The following RAB23 variants were observed in gnomAD, a reference collection of about 807,000 sequenced individuals.
The protein encoded by RAB23 is RAB23, member RAS oncogene family.
A neutral mutation model predicts 30.0 loss-of-function variants in RAB23; 15 were observed. The observed-to-expected ratio is 0.50, with a 90% CI of 0.33 to 0.77. The LOEUF (loss-of-function observed/expected upper bound fraction) is 0.77, where lower values mean the gene tolerates loss of function less well. RAB23 is among the 30% of genes least tolerant of loss of function. The pLI, the probability that RAB23 is intolerant of heterozygous loss-of-function variation, is 0.02. For synonymous variants in RAB23, 93 were observed against 94.0 expected (o/e 0.99, Z 0.06); for missense variants, 243 against 275.4 (o/e 0.88, Z 0.83).
intron 4 of RAB23, 124 bp downstream of exon 4, chr6:57,196,326 G>C: frequency 1.8e-6 from 2 of 1,124,410 alleles, no homozygotes; most frequent in Non-Finnish European, 2.6e-6. Flanking sequence ...AAATATTTAA[G>C]TCATTAAAGC....
intron 3 of RAB23, among the ~76,000 whole-genome samples, chr6:57,203,000 GTTTTTTT>G (rs1170559704): frequency 2.4e-5 from 2 of 82,604 alleles, no homozygotes; most frequent in East Asian, 6.6e-4. Context: ...AAGATAGGCT[GTTTTTTT>G]TTTTTTTTTT....
intron 1 of RAB23, among the ~76,000 whole-genome samples, chr6:57,216,208 A>G (rs1765829728): frequency 1.3e-5 from 2 of 152,204 alleles, no homozygotes; most frequent in African/African-American, 4.8e-5. Context: ...GTAGTAGGCT[A>G]TACCATCTAG....
rs1432058604 is a variant in RAB23 at position 57,190,577 on chromosome 6, TTCC to T, written c.595_597del (p.Gly199del). 6.2e-7 allele frequency: 1 copy of T among 1,613,908 alleles called. No individual in the cohort carries two copies. Among genetic ancestry groups the T allele is most frequent in the Non-Finnish European group, 8.5e-7 (1 of 1,179,924 alleles). Reference sequence around the variant, plus strand: ...GTACCTGAATTCTGACCGGAGTGACTTCCACCAGATGTATTAAAGACACCTGTA... The same window carrying T: ...GTACCTGAATTCTGACCGGAGTGACTACCAGATGTATTAAAGACACCTGTA... On this transcript the variant is annotated inframe_deletion, in exon 7 of 7. Transcript: ENST00000468148.
rs146152266 is a variant in RAB23, at chr6:57,218,487, G to A, written c.-66+3239C>T. Among the ~76,000 whole-genome samples the A allele has an allele frequency of 5.9e-5, 9 of 152,216 alleles. No individual in the cohort carries two copies. In the East Asian group the frequency reaches 1.7e-3, roughly 29 times the overall value. ...TATCAATTGATGCAGAAGAAATATT[G>A]ACAAAATTCAACATTTGTGAGAAAA... On this transcript the variant is annotated intron_variant, in intron 1 of 6. Transcript: ENST00000468148.
chr6:57,187,882 T>TA lies in RAB23; in HGVS notation c.*2578dup, dbSNP rs1554307770. On this transcript the variant is annotated 3_prime_UTR_variant, in exon 7 of 7. Transcript: ENST00000468148. ...TTTATTTTGAAAAAGTAACGTGTGC[T>TA]ATCAACTTTGGGCAGATACAAAGGA... 6.6e-6 allele frequency: 1 copy of TA among 152,112 alleles called. No homozygotes were observed. Among genetic ancestry groups the TA allele is most frequent in the Non-Finnish European group, 1.5e-5 (1 of 68,014 alleles). The allele number at this position is 152,112 out of a possible 1,614,324, so 9.4% of individuals were successfully genotyped here.
intron 2 of RAB23, 28 bp downstream of exon 2, chr6:57,210,198 C>G (rs1484184564): frequency 6.2e-7 from 1 of 1,607,302 alleles, no homozygotes; most frequent in Admixed American, 1.7e-5. Flanking sequence ...AAATCAAAGC[C>G]AAAGGAATAA....
intron 1 of RAB23, among the ~76,000 whole-genome samples, chr6:57,211,080 T>A (rs1381633306): frequency 1.3e-5 from 2 of 152,212 alleles, no homozygotes; most frequent in Non-Finnish European, 2.9e-5. Context: ...TTTGAGGCTA[T>A]GTGTATAAGG....
rs1765080977 is a variant in RAB23 at position 57,197,830 on chromosome 6, C to T, written c.242-1224G>A. Reference sequence around the variant, plus strand: ...CATGGCTCGCTGCAGCCTCGACCTCCTGGACTCAATCAATCCTCCCACCTC... The same window carrying T: ...CATGGCTCGCTGCAGCCTCGACCTCTTGGACTCAATCAATCCTCCCACCTC... On this transcript the variant is annotated intron_variant, in intron 3 of 6. Coordinates refer to ENST00000468148, the MANE Select transcript of RAB23 (RefSeq NM_016277.5). Among the ~76,000 whole-genome samples, 3 of 152,334 alleles carry T rather than the reference C, an allele frequency of 2.0e-5. No individual in the cohort carries two copies. The South Asian group carries it at 6.2e-4, about 32-fold the overall frequency.
intron 3 of RAB23, among the ~76,000 whole-genome samples, chr6:57,197,840 T>A (rs1024733731): frequency 2.0e-5 from 3 of 152,106 alleles, no homozygotes; most frequent in African/African-American, 7.2e-5. Context: ...CTGGACTCAA[T>A]CAATCCTCCC....
chr6:57,195,902 A>G lies in RAB23; in HGVS notation c.398+548T>C, dbSNP rs368379651. Reference sequence around the variant, plus strand: ...TTTGTTACATAGCAACAGATAACTAACATAAGAAGACTTAAAAAACAGGTA... The same window carrying G: ...TTTGTTACATAGCAACAGATAACTAGCATAAGAAGACTTAAAAAACAGGTA... On this transcript the variant is annotated intron_variant, in intron 4 of 6. Transcript: ENST00000468148. 8.5e-5 allele frequency among the ~76,000 whole-genome samples: 13 copies of G among 152,350 alleles called. 1 individual carries two copies. Among genetic ancestry groups the G allele is most frequent in the African/African-American group, 3.1e-4 (13 of 41,586 alleles).
At chr6:57,205,279 T>C (rs1765420699) in intron 3 of RAB23, among the ~76,000 whole-genome samples, 1 of 151,974 alleles carries the variant, frequency 6.6e-6, no homozygotes, top group Non-Finnish European at 1.5e-5. Flanking sequence ...TAAAATTTCA[T>C]CCATTACTTA....
intron 3 of RAB23, among the ~76,000 whole-genome samples, chr6:57,199,110 C>A (rs1330665784): frequency 2.0e-5 from 3 of 152,266 alleles, no homozygotes; most frequent in Non-Finnish European, 2.9e-5. Flanking sequence ...TGGCTGCATG[C>A]ATGTCCCCTC....
chr6:57,203,302 A>C lies in RAB23; in HGVS notation c.241+4326T>G, dbSNP rs982739475. ...ATTACAGGCGTGAGCCACTGTGCCCAACCAGTTTTGCCTTTTTAAATTATA... is the reference window on the plus strand; with the variant it reads ...ATTACAGGCGTGAGCCACTGTGCCCCACCAGTTTTGCCTTTTTAAATTATA... On this transcript the variant is annotated intron_variant, in intron 3 of 6. Transcript: ENST00000468148. Among the ~76,000 whole-genome samples, 4 of 152,242 alleles carry C rather than the reference A, an allele frequency of 2.6e-5. No individual in the cohort carries two copies. In the East Asian group the frequency reaches 7.7e-4, roughly 29 times the overall value.
intron 3 of RAB23, among the ~76,000 whole-genome samples, chr6:57,201,938 A>C (rs2128000441): frequency 6.6e-6 from 1 of 152,346 alleles, no homozygotes; most frequent in South Asian, 2.1e-4. Flanking sequence ...ACCTATTTAC[A>C]AGAAGGTCTT....
At chr6:57,210,097 C>T in intron 2 of RAB23, 129 bp downstream of exon 2, 1 of 914,992 alleles carries the variant, frequency 1.1e-6, no homozygotes, top group Non-Finnish European at 1.7e-6. Flanking sequence ...ACCACCATCA[C>T]TGTCGCATGA....
At position 57,221,956 on chromosome 6, in the gene RAB23, A is replaced by T. The variant is rs1766078792; in HGVS notation, c.-296T>A. The T allele has an allele frequency of 2.0e-5, 3 of 152,364 alleles. No homozygotes were observed. Among genetic ancestry groups the T allele is most frequent in the South Asian group, 2.1e-4 (1 of 4,824 alleles). 9.4% of individuals were successfully genotyped at this position (152,364 alleles called of 1,614,324 possible). Reference sequence around the variant, plus strand: ...AGTCTTCCCCAGTGGAGCCGGACGAACCCCCAGCCCCTGGAGAGGGCGAGT... The same window carrying T: ...AGTCTTCCCCAGTGGAGCCGGACGATCCCCCAGCCCCTGGAGAGGGCGAGT... On this transcript the variant is annotated 5_prime_UTR_variant, in exon 1 of 7. Coordinates refer to ENST00000468148, the MANE Select transcript of RAB23 (RefSeq NM_016277.5).
intron 3 of RAB23, among the ~76,000 whole-genome samples, chr6:57,198,406 T>C (rs552402594): frequency 1.1e-3 from 166 of 152,050 alleles, no homozygotes; most frequent in Non-Finnish European, 1.9e-3. Context: ...CCCAGCTACT[T>C]GGGAGGCTGA....
At chr6:57,221,353 T>C (rs1167296772) in intron 1 of RAB23, 1 of 152,302 alleles carries the variant, frequency 6.6e-6, no homozygotes, top group Non-Finnish European at 1.5e-5. Flanking sequence ...TCCTGGGAAC[T>C]GCCGATGGCT....
intron 5 of RAB23, among the ~76,000 whole-genome samples, 187 bp downstream of exon 5, chr6:57,194,583 G>A (rs1764951248): frequency 6.6e-6 from 1 of 151,972 alleles, no homozygotes; most frequent in South Asian, 2.1e-4. Context: ...AGGATGAAAA[G>A]TATTCAAGGG....
Sources: allele counts gnomAD v4.1 joint callset (sites outside exome capture counted in the v4.1 genomes callset), GRCh38; gene constraint gnomAD v4.1.1; transcripts MANE v1.5; gene names NCBI Gene and HGNC (gene_info 2026-07-23, HGNC 2026-07-21).